The following PTPRA variants were observed in gnomAD, a reference collection of about 807,000 sequenced individuals.
The protein encoded by PTPRA is protein tyrosine phosphatase receptor type A.
PTPRA carries 25 observed loss-of-function variants against 104.8 expected under a neutral mutation model. The observed-to-expected ratio is 0.24, with a 90% confidence interval of 0.17 to 0.33. The LOEUF is 0.33. PTPRA is among the 10% of genes least tolerant of loss of function. The probability of loss-of-function intolerance (pLI) is 1.00; values close to 1 mark genes in which losing one functional copy is unlikely to be tolerated. For synonymous variants in PTPRA, 323 were observed against 368.9 expected, an observed-to-expected ratio of 0.88 and a Z score of 1.43; for missense variants, 765 against 1,015.3, an observed-to-expected ratio of 0.75 and a Z score of 3.35.
intron 11 of PTPRA, among the ~76,000 whole-genome samples, chr20:3,010,116 C>G (rs1459126796): frequency 1.3e-5 from 2 of 151,858 alleles, no homozygotes; most frequent in Non-Finnish European, 2.9e-5. Flanking sequence ...TCCCAAAGTG[C>G]TGGGATTACA....
intron 9 of PTPRA, among the ~76,000 whole-genome samples, chr20:2,989,789 G>A (rs560634448): frequency 0.011 from 1,676 of 152,226 alleles, 13 homozygotes; most frequent in Non-Finnish European, 0.017. Flanking sequence ...AGGCCAAGGC[G>A]GGCGGATCAC....
chr20:2,905,410 C>T (rs2059388575), intron 1 of PTPRA, among the ~76,000 whole-genome samples: 1 of 152,102 alleles, frequency 6.6e-6, no homozygotes, highest in Non-Finnish European at 1.5e-5. Context: ...CACATCTTGC[C>T]TTCGTCTCTC....
At position 3,038,238 on chromosome 20, in the gene PTPRA, G is replaced by T; in HGVS notation, c.*105G>T. On this transcript the variant is annotated 3_prime_UTR_variant, in exon 24 of 24. Transcript: ENST00000399903. ...GTGTATATATCTTATAACTGTTTTAGAAATTGGTACATAGGCTTCTATTAC... is the reference window on the plus strand; with the variant it reads ...GTGTATATATCTTATAACTGTTTTATAAATTGGTACATAGGCTTCTATTAC... The T allele has an allele frequency of 8.8e-7, 1 of 1,142,694 alleles. No homozygotes were observed. Among genetic ancestry groups the T allele is most frequent in the Middle Eastern group, 2.5e-4 (1 of 3,948 alleles). 70.8% of individuals were successfully genotyped at this position (1,142,694 alleles called of 1,614,324 possible). A position where few individuals can be genotyped will look rare whatever the true frequency, so the allele number is the denominator to read the frequency against.
At chr20:2,876,111 T>C (rs1165124662) in intron 1 of PTPRA, among the ~76,000 whole-genome samples, 1 of 152,100 alleles carries the variant, frequency 6.6e-6, no homozygotes, top group Non-Finnish European at 1.5e-5. Flanking sequence ...TTGGGGGCAA[T>C]ATAGGGCCAA....
Position 2,958,808 on chromosome 20 carries a change from C to T in PTPRA, c.-6-5464C>T, listed in dbSNP as rs1165730947. Among the ~76,000 whole-genome samples, 3 of 144,888 alleles carry T rather than the reference C, an allele frequency of 2.1e-5. No individual in the cohort carries two copies. In the South Asian group the frequency reaches 6.6e-4, roughly 32 times the overall value. ...GTGGCAGTGAGCCTAGATCACACCA[C>T]TGTACTCCAGCCTGGGCAACAGAGC... On this transcript the variant is annotated intron_variant, in intron 3 of 23. Coordinates refer to ENST00000399903, the MANE Select transcript of PTPRA (RefSeq NM_001385305.1).
chr20:2,896,819 C>A (rs1318926128), intron 1 of PTPRA, among the ~76,000 whole-genome samples: 1 of 152,182 alleles, frequency 6.6e-6, no homozygotes. Context: ...TTCCCCTTCA[C>A]TTATTTCTGA....
chr20:2,874,478 A>G (rs2089584677), intron 1 of PTPRA, among the ~76,000 whole-genome samples: 1 of 152,242 alleles, frequency 6.6e-6, no homozygotes, highest in Admixed American at 6.5e-5. Context: ...TAAGACAGGA[A>G]AAGAAGAATG....
intron 1 of PTPRA, among the ~76,000 whole-genome samples, chr20:2,909,476 G>A (rs534383808): frequency 2.0e-5 from 3 of 151,764 alleles, no homozygotes; most frequent in East Asian, 3.9e-4. Flanking sequence ...CAGCTACTCG[G>A]GAGGCTGAGG....
intron 10 of PTPRA, among the ~76,000 whole-genome samples, chr20:3,005,425 C>G (rs528772777): frequency 3.9e-5 from 6 of 152,124 alleles, no homozygotes; most frequent in Non-Finnish European, 7.3e-5. Context: ...TGGTGTGTGT[C>G]TGTCGTCCCA....
the PTPRA span, chr20:2,865,826 G>A: frequency 2.1e-6 from 1 of 466,440 alleles, no homozygotes; most frequent in East Asian, 4.1e-5. The surrounding 1 kb of genome is among the most constrained non-coding windows in gnomAD (Gnocchi z 5.2). Flanking sequence ...ATGGGAGGCA[G>A]TGGAGATACT....
At chr20:3,017,743 T>G in intron 12 of PTPRA, 73 bp from the exon 13 acceptor site, 2 of 1,338,824 alleles carry the variant, frequency 1.5e-6, no homozygotes, top group South Asian at 2.4e-5. Context: ...AAGTCAGGAA[T>G]GGATGTTCCC....
At chr20:3,029,120 T>G (rs1600281894) in intron 20 of PTPRA, among the ~76,000 whole-genome samples, 1 of 135,278 alleles carries the variant, frequency 7.4e-6, no homozygotes, top group Non-Finnish European at 1.5e-5. Flanking sequence ...ATCAGGATTT[T>G]TTTTTTTTTT....
chr20:2,992,231 T>A (rs2063205549), intron 9 of PTPRA, among the ~76,000 whole-genome samples: 1 of 152,158 alleles, frequency 6.6e-6, no homozygotes, highest in Non-Finnish European at 1.5e-5. Context: ...ATACCTAGTT[T>A]ACGAGACCGG....
chr20:2,909,881 A>G (rs1409233509), intron 1 of PTPRA, among the ~76,000 whole-genome samples: 2 of 131,042 alleles, frequency 1.5e-5, no homozygotes, highest in Non-Finnish European at 3.1e-5. Flanking sequence ...ATTAAAATAT[A>G]TTAATTATAA....
At chr20:2,917,998 G>C (rs2059965735) in intron 1 of PTPRA, among the ~76,000 whole-genome samples, 1 of 147,788 alleles carries the variant, frequency 6.8e-6, no homozygotes, top group Admixed American at 6.9e-5. Flanking sequence ...CTGAAGAAGA[G>C]AATCACTTGA....
intron 11 of PTPRA, among the ~76,000 whole-genome samples, chr20:3,011,683 G>T (rs1044807636): frequency 1.3e-5 from 2 of 152,190 alleles, no homozygotes; most frequent in Admixed American, 1.3e-4. Flanking sequence ...GAAAGGTAGT[G>T]GATGTCAAGT....
chr20:2,973,157 T>G (rs892224106), intron 5 of PTPRA, among the ~76,000 whole-genome samples: 54 of 151,992 alleles, frequency 3.6e-4, no homozygotes, highest in African/African-American at 1.2e-3. Context: ...TTAGGCTGAA[T>G]AACCATTTAT....
At chr20:3,024,718 C>A in intron 17 of PTPRA, 97 bp downstream of exon 17, 1 of 1,427,538 alleles carries the variant, frequency 7.0e-7, no homozygotes, top group African/African-American at 1.4e-5. Flanking sequence ...AGTAAATCCC[C>A]TTGTGAGGCA....
chr20:3,023,451 A>G (rs765703415), intron 16 of PTPRA, among the ~76,000 whole-genome samples: 9 of 152,218 alleles, frequency 5.9e-5, no homozygotes, highest in Non-Finnish European at 1.3e-4. Context: ...ACCCGATCGT[A>G]CATTCTATTT....
Sources: gnomAD v4.1 joint callset for allele counts (sites outside exome capture counted in the v4.1 genomes callset) on GRCh38, gnomAD v4.1.1 for gene constraint, Gnocchi (gnomAD v3.1) non-coding constraint, MANE v1.5 for transcripts, NCBI Gene and HGNC (gene_info 2026-07-23, HGNC 2026-07-21) for gene names.